Variants in RABL6 observed in about 807,000 individuals in gnomAD.
RABL6 encodes RAB, member RAS oncogene family like 6, also known as rab-like protein 6.
Under a neutral mutation model 72.9 loss-of-function variants are expected in RABL6, and 28 were observed. That is an observed-to-expected ratio of 0.38 (90% CI 0.28 to 0.53). The LOEUF (loss-of-function observed/expected upper bound fraction) is 0.53, where lower values mean the gene tolerates loss of function less well. RABL6 is among the 20% of genes least tolerant of loss of function. The probability of loss-of-function intolerance (pLI) is 0.80; values close to 1 mark genes in which losing one functional copy is unlikely to be tolerated. For missense variants in RABL6, 1,029 were observed against 1,008.4 expected, an observed-to-expected ratio of 1.02 and a Z score of -0.28; for synonymous variants, 477 against 421.2, an observed-to-expected ratio of 1.13 and a Z score of -1.62.
At chr9:136,821,844 G>A in intron 1 of RABL6, 2 of 1,206,638 alleles carry the variant, frequency 1.7e-6, no homozygotes, top group East Asian at 6.4e-5. Context: ...GGGTGGGCTC[G>A]GCCGGGAGAA....
At position 136,818,756 on chromosome 9, in the gene RABL6, GAAAGA is replaced by G. The variant is rs1848178853; in HGVS notation, c.131-4764_131-4760del. Among the ~76,000 whole-genome samples, 4 of 151,826 alleles carry G rather than the reference GAAAGA, an allele frequency of 2.6e-5. 1 individual carries two copies. The South Asian group carries it at 8.4e-4, about 32-fold the overall frequency. On this transcript the variant is annotated intron_variant, in intron 1 of 14. Coordinates refer to ENST00000311502, the MANE Select transcript of RABL6 (RefSeq NM_024718.5). ...TGAGACTTAATCAAAAAAAAAAAAG[GAAAGA>G]AAAGGAATAAGCGTTGGTTATGTTA...
At chr9:136,824,400 G>C (rs1459666782) in intron 2 of RABL6, among the ~76,000 whole-genome samples, 2 of 141,754 alleles carry the variant, frequency 1.4e-5, no homozygotes, top group South Asian at 2.3e-4. Context: ...GTGAGATCTC[G>C]GCTCACTGGA....
chr9:136,839,088 C>T lies in RABL6; in HGVS notation c.1460C>T (p.Ala487Val), dbSNP rs764680849. Residue 487 changes from alanine to valine, a missense_variant, in exon 11 of 15, where the codon GCT becomes GTT. Ala to Val is a moderately conservative substitution (Grantham distance 64). Around this residue, in one of 2 missense-constraint regions of RABL6, gnomAD observed 595 missense variants for 472.4 expected, o/e 1.26. Transcript: ENST00000311502. ...VAAPTKGPAPAPQQCSEPETK... is the reference protein window; with the variant it reads ...VAAPTKGPAPVPQQCSEPETK... ...GCTCCCACAAAAGGCCCTGCCCCAG[C>T]TCCCCAGCAGTGCTCAGAGCCAGAG... is the stretch of plus-strand genomic sequence containing the variant. 3.3e-5 allele frequency: 54 copies of T among 1,612,284 alleles called. No homozygotes were observed. The Admixed American group carries it at 8.2e-4, about 24-fold the overall frequency.
In RABL6 at chr9:136,840,986, C is replaced by T. The variant is rs1420008119; in HGVS notation, c.*464C>T. ...AGCCCTGAACACGGGTGTGCAGACT[C>T]ACCCTAAAGGGCGGCCCAGGCCCCA... On this transcript the variant is annotated 3_prime_UTR_variant, in exon 15 of 15. Coordinates refer to ENST00000311502, the MANE Select transcript of RABL6 (RefSeq NM_024718.5). 9.7e-6 allele frequency: 14 copies of T among 1,448,050 alleles called. No individual in the cohort carries two copies. In the South Asian group the frequency reaches 1.9e-4, roughly 20 times the overall value. The allele number at this position is 1,448,050 out of a possible 1,614,324, so 89.7% of individuals were successfully genotyped here.
At chr9:136,818,457 T>C (rs1322686936) in intron 1 of RABL6, among the ~76,000 whole-genome samples, 2 of 144,062 alleles carry the variant, frequency 1.4e-5, no homozygotes, top group Non-Finnish European at 3.0e-5. Flanking sequence ...AAATAAGTGT[T>C]GGTGGGTCAG....
chr9:136,833,783 A>T (rs1157792874), intron 7 of RABL6: 6 of 1,550,442 alleles, frequency 3.9e-6, no homozygotes, highest in Non-Finnish European at 1.7e-6. Context: ...AGAAGTGAGG[A>T]TGCCTGCAGG....
At chr9:136,834,635 C>A (rs924641070) in intron 7 of RABL6, among the ~76,000 whole-genome samples, 2 of 152,128 alleles carry the variant, frequency 1.3e-5, no homozygotes, top group Non-Finnish European at 2.9e-5. Flanking sequence ...CCTGCCACCA[C>A]GCCTGGCTAA....
chr9:136,811,392 C>T (rs181175629), intron 1 of RABL6, among the ~76,000 whole-genome samples: 154 of 152,094 alleles, frequency 1.0e-3, no homozygotes, highest in African/African-American at 3.4e-3. Context: ...CCGAGGCAGG[C>T]GGACAACCTG....
chr9:136,813,464 A>G (rs1315050048), intron 1 of RABL6: 4 of 536,692 alleles, frequency 7.5e-6, no homozygotes, highest in African/African-American at 3.9e-5. Context: ...TCTCTCCATG[A>G]TAGTGCAGGG....
chr9:136,809,488 G>T, intron 1 of RABL6: 1 of 280,048 alleles, frequency 3.6e-6, no homozygotes, highest in South Asian at 3.3e-5. Flanking sequence ...ATGAAAGTTG[G>T]TGTCCGGGCC....
chr9:136,834,154 T>A, intron 7 of RABL6: 1 of 1,279,302 alleles, frequency 7.8e-7, no homozygotes, highest in Non-Finnish European at 9.9e-7. Context: ...CTGGATTGCC[T>A]GGAAGCAAAT....
At chr9:136,840,240 C>T in intron 14 of RABL6, 28 bp downstream of exon 14, 1 of 1,612,666 alleles carries the variant, frequency 6.2e-7, no homozygotes, top group Non-Finnish European at 8.5e-7. Flanking sequence ...TCCTGGCAGG[C>T]CAGGACTGGG....
chr9:136,823,472 G>A (rs981762428), intron 1 of RABL6, 53 bp from the exon 2 acceptor site: 1 of 1,605,362 alleles, frequency 6.2e-7, no homozygotes, highest in Non-Finnish European at 8.5e-7. Flanking sequence ...TAAAGCTGCA[G>A]CTTGGGTTCG....
chr9:136,808,766 T>G (rs1588341401), intron 1 of RABL6: 1 of 152,646 alleles, frequency 6.6e-6, no homozygotes, highest in East Asian at 1.9e-4. Context: ...CTTGGCGCTT[T>G]CAGCGGGATT....
intron 1 of RABL6, chr9:136,812,968 C>T: frequency 2.8e-6 from 1 of 352,722 alleles, no homozygotes; most frequent in South Asian, 2.6e-5. Context: ...ACCTTTGTTT[C>T]CCTCAATTTC....
At chr9:136,823,390 G>A in intron 1 of RABL6, 135 bp from the exon 2 acceptor site, 1 of 1,241,118 alleles carries the variant, frequency 8.1e-7, no homozygotes, top group Admixed American at 2.3e-5. Context: ...CTGCCTGCCG[G>A]TCACCTGGTC....
intron 14 of RABL6, 24 bp downstream of exon 14, chr9:136,840,236 C>A (rs1253323245): frequency 2.0e-5 from 32 of 1,612,588 alleles, no homozygotes; most frequent in Non-Finnish European, 2.2e-5. Context: ...CCCTTCCTGG[C>A]AGGCCAGGAC....
At chr9:136,812,780 AG>A (rs1239819585) in intron 1 of RABL6, 1 of 356,106 alleles carries the variant, frequency 2.8e-6, no homozygotes, top group Non-Finnish European at 5.5e-6. Context: ...AAGGGACAGA[AG>A]CCGTTCAAAC....
At position 136,829,498 on chromosome 9, in the gene RABL6, G is replaced by T. The variant is rs1848426713; in HGVS notation, c.458+14G>T. The T allele has an allele frequency of 6.4e-7, 1 of 1,563,654 alleles. No individual in the cohort carries two copies. Among genetic ancestry groups the T allele is most frequent in the Non-Finnish European group, 8.7e-7 (1 of 1,153,972 alleles). ...TACCAAGCAGTGGTAAGAGGGAGCT[G>T]GCGGGGGCAGCTGCCTGTGACTCTC... On this transcript the variant is annotated intron_variant, in intron 5 of 14. Transcript: ENST00000311502.
Sources: allele counts gnomAD v4.1 joint callset (sites outside exome capture counted in the v4.1 genomes callset), GRCh38; gene constraint gnomAD v4.1.1; regional missense constraint gnomAD v4.1.1; transcripts MANE v1.5; gene names NCBI Gene and HGNC (gene_info 2026-07-23, HGNC 2026-07-21).